The following CTCF variants were observed in gnomAD, a reference collection of about 807,000 sequenced individuals.
CTCF encodes CCCTC-binding factor, also known as transcriptional repressor CTCF.
Under a neutral mutation model 72.3 loss-of-function variants are expected in CTCF, and 7 were observed. The ratio of observed to expected loss-of-function variants is 0.10; its 90% CI spans 0.06 to 0.18. CTCF has a LOEUF of 0.18. Among genes scored for constraint, CTCF ranks in the 10% least tolerant of loss-of-function variants. The pLI is 1.00. For synonymous variants in CTCF, 374 were observed against 315.8 expected (o/e 1.18, Z -1.95); for missense variants, 516 against 949.1 (o/e 0.54, Z 6.00).
chr16:67,611,192 T>A lies in CTCF; in HGVS notation c.360T>A (p.Val120=), dbSNP rs1001516878. The A allele has an allele frequency of 6.2e-7, 1 of 1,614,144 alleles. No homozygotes were observed. The highest frequency in any genetic ancestry group is 8.5e-7 in the Non-Finnish European group (1 of 1,180,012). The change falls in exon 3 of 12, where the codon GTT becomes GTA. Residue 120 remains valine (V), a synonymous_variant. Coordinates refer to ENST00000264010, the MANE Select transcript of CTCF (RefSeq NM_006565.4). ...IGELQLVQVP[V]PVTVPVATTS... ...AACTTCAGCTTGTTCAAGTACCTGT[T>A]CCTGTGACTGTACCTGTTGCTACCA...
At chr16:67,602,470 A>G (rs1255848348) in intron 2 of CTCF, among the ~76,000 whole-genome samples, 1 of 152,190 alleles carries the variant, frequency 6.6e-6, no homozygotes, top group Non-Finnish European at 1.5e-5. Flanking sequence ...CTAGCTCCAG[A>G]CATCTGGATT....
intron 2 of CTCF, among the ~76,000 whole-genome samples, chr16:67,572,993 C>T (rs1000615161): frequency 2.8e-5 from 4 of 143,158 alleles, no homozygotes; most frequent in Middle Eastern, 3.7e-3. Context: ...TGGCTCACGC[C>T]TGTAATCCCA....
chr16:67,628,768 A>G (rs2052323670), intron 9 of CTCF, among the ~76,000 whole-genome samples: 2 of 152,214 alleles, frequency 1.3e-5, no homozygotes, highest in South Asian at 4.1e-4. Flanking sequence ...GATTGCATAA[A>G]GAAATTTCCT....
At chr16:67,563,052 C>CTTGGCCGGCCGA (rs1291028901) in intron 1 of CTCF, among the ~76,000 whole-genome samples, 1 of 151,572 alleles carries the variant, frequency 6.6e-6, no homozygotes, top group Non-Finnish European at 1.5e-5. Context: ...GAGGCCGGTT[C>CTTGGCCGGCCGA]TTGGCCGGCC....
intron 1 of CTCF, among the ~76,000 whole-genome samples, chr16:67,566,465 G>C (rs1397368123): frequency 1.4e-5 from 2 of 141,124 alleles, no homozygotes; most frequent in Non-Finnish European, 3.0e-5. Context: ...AGTCAAGATC[G>C]TGCCGTTGCA....
intron 2 of CTCF, among the ~76,000 whole-genome samples, chr16:67,601,920 G>A (rs1367511225): frequency 6.8e-6 from 1 of 147,954 alleles, no homozygotes; most frequent in Non-Finnish European, 1.5e-5. Context: ...CTGGAGTGCA[G>A]TGGCCCAATC....
intron 2 of CTCF, among the ~76,000 whole-genome samples, chr16:67,587,640 T>TGGCA (rs1185950243): frequency 2.6e-5 from 4 of 151,886 alleles, no homozygotes; most frequent in Non-Finnish European, 5.9e-5. Context: ...CAAGGCTTAC[T>TGGCA]CTGCTTGGCA....
rs2052415356 is a variant in CTCF, at chr16:67,635,322, CTTTTGTTT to C, written c.1838-1355_1838-1348del. ...GGTGTGAGCCACCATGCCTGGCCAC[CTTTTGTTT>C]TTTTGTTTTTTTTAAAGTAGAGACG... On this transcript the variant is annotated intron_variant, in intron 10 of 11. Coordinates refer to ENST00000264010, the MANE Select transcript of CTCF (RefSeq NM_006565.4). Among the ~76,000 whole-genome samples, 10 of 151,034 alleles carry C rather than the reference CTTTTGTTT, an allele frequency of 6.6e-5. No homozygotes were observed. In the South Asian group the frequency reaches 2.1e-3, roughly 32 times the overall value.
chr16:67,633,238 C>A (rs2052386854), intron 10 of CTCF, among the ~76,000 whole-genome samples: 1 of 146,812 alleles, frequency 6.8e-6, no homozygotes, highest in Admixed American at 6.6e-5. Context: ...TAAATGAGTT[C>A]CGTGAGTCCT....
chr16:67,606,983 C>T (rs964810937), intron 2 of CTCF, among the ~76,000 whole-genome samples: 5 of 151,898 alleles, frequency 3.3e-5, no homozygotes, highest in Non-Finnish European at 7.4e-5. Flanking sequence ...GACAGAGGCT[C>T]GCTCTGTTGC....
At chr16:67,607,550 C>G (rs900319232) in intron 2 of CTCF, among the ~76,000 whole-genome samples, 2 of 151,850 alleles carry the variant, frequency 1.3e-5, no homozygotes, top group African/African-American at 4.8e-5. Context: ...AACTGATCCA[C>G]CAGCCTTGGC....
At chr16:67,564,329 C>T in intron 1 of CTCF, among the ~76,000 whole-genome samples, 1 of 152,276 alleles carries the variant, frequency 6.6e-6, no homozygotes, top group Non-Finnish European at 1.5e-5. Flanking sequence ...CTGGATTAAC[C>T]TGTTTTTAGG....
intron 4 of CTCF, chr16:67,614,980 GA>G (rs890167310): frequency 7.6e-5 from 11 of 145,492 alleles, no homozygotes; most frequent in Admixed American, 2.7e-4. Flanking sequence ...ACTGAAAATA[GA>G]AAAAAAAAAT....
At chr16:67,610,011 C>T (rs1178403655) in intron 2 of CTCF, among the ~76,000 whole-genome samples, 1 of 152,182 alleles carries the variant, frequency 6.6e-6, no homozygotes, top group Non-Finnish European at 1.5e-5. Flanking sequence ...CACGAGATAA[C>T]AGTAGCACAT....
At chr16:67,591,429 A>G (rs1384437654) in intron 2 of CTCF, among the ~76,000 whole-genome samples, 1 of 152,194 alleles carries the variant, frequency 6.6e-6, no homozygotes, top group African/African-American at 2.4e-5. Context: ...TCTGCTTCTC[A>G]GCCCAAGTTA....
chr16:67,610,953 C>T lies in CTCF; in HGVS notation c.121C>T (p.Pro41Ser), dbSNP rs369072233. The T allele has an allele frequency of 1.9e-6, 3 of 1,586,868 alleles. No homozygotes were observed. Among genetic ancestry groups the T allele is most frequent in the Admixed American group, 1.7e-5 (1 of 58,352 alleles). Residue 41 changes from proline (P) to serine (S), a missense_variant, in exon 3 of 12, where the codon CCC becomes TCC. By Grantham distance (74) the Pro-to-Ser change is moderately conservative (BLOSUM62 -1). Around this residue, in one of 7 missense-constraint regions of CTCF, gnomAD observed 148 missense variants for 194.9 expected, o/e 0.76. Transcript: ENST00000264010. ...CCAGGAAGAAGATGCCTGCCACTTA[C>T]CCCAGAACCAGACGGATGGGGGTGA... ...GGQEEDACHL[P>S]QNQTDGGEVV...
At chr16:67,627,693 A>T (rs1682519476) in intron 8 of CTCF, 2 of 152,106 alleles carry the variant, frequency 1.3e-5, no homozygotes, top group Non-Finnish European at 1.5e-5. Flanking sequence ...TCACGCCTGT[A>T]ATCCCAGCAC....
chr16:67,588,918 T>C (rs1285230127), intron 2 of CTCF, among the ~76,000 whole-genome samples: 1 of 152,066 alleles, frequency 6.6e-6, no homozygotes, highest in East Asian at 1.9e-4. Context: ...CTCGAACTTC[T>C]AACCTCAAGT....
At chr16:67,607,462 C>T (rs2051990114) in intron 2 of CTCF, among the ~76,000 whole-genome samples, 1 of 151,810 alleles carries the variant, frequency 6.6e-6, no homozygotes. Flanking sequence ...CACACCACTA[C>T]GCCTGGCTAA....
Sources: allele counts gnomAD v4.1 joint callset (sites outside exome capture counted in the v4.1 genomes callset), GRCh38; gene constraint gnomAD v4.1.1; regional missense constraint gnomAD v4.1.1; transcripts MANE v1.5; gene names NCBI Gene and HGNC (gene_info 2026-07-23, HGNC 2026-07-21).